Variants in FBLN2 observed in about 807,000 individuals in gnomAD.
The protein encoded by FBLN2 is fibulin-2.
FBLN2 carries 81 observed loss-of-function variants against 123.7 expected under a neutral mutation model. The observed-to-expected ratio is 0.65, with a 90% CI of 0.55 to 0.79. The LOEUF (loss-of-function observed/expected upper bound fraction) is 0.79. Ranked by LOEUF, FBLN2 falls within the 30% of genes least tolerant of loss-of-function variation. The pLI, the probability that FBLN2 is intolerant of heterozygous loss-of-function variation, is 0.00. For missense variants in FBLN2, 1,603 were observed against 1,681.3 expected (o/e 0.95, Z 0.81); for synonymous variants, 699 against 701.4 (o/e 1.00, Z 0.05).
intron 2 of FBLN2, among the ~76,000 whole-genome samples, chr3:13,606,545 AC>A (rs1705209888): frequency 6.6e-6 from 1 of 152,246 alleles, no homozygotes; most frequent in Admixed American, 6.5e-5. Context: ...TCCACATGTA[AC>A]TTTTGACTCC....
At position 13,591,676 on chromosome 3, in the gene FBLN2, T is replaced by C. The variant is rs574508660; in HGVS notation, c.1307-16386T>C. On this transcript the variant is annotated intron_variant, in intron 2 of 17. Transcript: ENST00000404922. ...GATTACTGTAGCCTTGTAGTAATTT[T>C]TAGTATCTGCTAGTGAGAGTTTTCC... Among the ~76,000 whole-genome samples, 3 of 152,362 alleles carry C rather than the reference T, an allele frequency of 2.0e-5. No homozygotes were observed. The South Asian group carries it at 6.2e-4, about 32-fold the overall frequency.
At chr3:13,558,714 CACCCACCT>C (rs1703527248) in intron 1 of FBLN2, among the ~76,000 whole-genome samples, 1 of 143,248 alleles carries the variant, frequency 7.0e-6, no homozygotes, top group African/African-American at 2.6e-5. Context: ...CCCACCCATC[CACCCACCT>C]ACCTACTTTT....
chr3:13,570,087 A>C (rs1391920324), intron 1 of FBLN2, among the ~76,000 whole-genome samples: 1 of 152,124 alleles, frequency 6.6e-6, no homozygotes, highest in Non-Finnish European at 1.5e-5. Flanking sequence ...CAGCGACTCC[A>C]GGTCAACACC....
intron 5 of FBLN2, among the ~76,000 whole-genome samples, chr3:13,617,427 T>TATCCATCCACCC (rs1705659067): frequency 1.4e-5 from 2 of 144,020 alleles, no homozygotes; most frequent in Non-Finnish European, 3.0e-5. Flanking sequence ...TCCATTCATC[T>TATCCATCCACCC]ACCCATCCAT....
intron 9 of FBLN2, among the ~76,000 whole-genome samples, chr3:13,622,387 G>A (rs940371847): frequency 6.6e-6 from 1 of 152,206 alleles, no homozygotes; most frequent in Non-Finnish European, 1.5e-5. Context: ...ACATGTATGT[G>A]GGGTAGCACA....
At chr3:13,586,664 A>AT (rs539204519) in intron 2 of FBLN2, among the ~76,000 whole-genome samples, 24,919 of 124,688 alleles carry the variant, frequency 0.2, 3,419 homozygotes, top group East Asian at 0.41. Context: ...TGCCCAGCTA[A>AT]TTTTTTTTTT....
At chr3:13,549,250 G>T (rs1703258690) in intron 1 of FBLN2, 42 bp downstream of exon 1, 5 of 978,892 alleles carry the variant, frequency 5.1e-6, no homozygotes, top group Non-Finnish European at 6.1e-6. Context: ...CATCCCCGTC[G>T]GTCCGCGCCT....
intron 1 of FBLN2, among the ~76,000 whole-genome samples, chr3:13,569,331 C>G (rs1183124124): frequency 6.6e-6 from 1 of 152,094 alleles, no homozygotes; most frequent in Admixed American, 6.6e-5. Flanking sequence ...CCATGGGAAA[C>G]TGGGGCGGGC....
chr3:13,552,873 T>C (rs1423734931), intron 1 of FBLN2, among the ~76,000 whole-genome samples: 6 of 152,192 alleles, frequency 3.9e-5, no homozygotes, highest in Non-Finnish European at 8.8e-5. Context: ...GCCAATGCTG[T>C]GCCAGGGGCT....
rs531878436 is a variant in FBLN2 at position 13,632,041 on chromosome 3, G to A, written c.3214+584G>A. On this transcript the variant is annotated intron_variant, in intron 16 of 17. Transcript: ENST00000404922. ...TACAAGAGCTGGGCAGTCACCTGTG[G>A]AATTTGCAAGAGAGGGGACTGTGTC... Among the ~76,000 whole-genome samples, 200 of 152,214 alleles carry A rather than the reference G, an allele frequency of 1.3e-3. 2 individuals carry two copies. Among genetic ancestry groups the A allele is most frequent in the Non-Finnish European group, 2.4e-3 (164 of 68,036 alleles).
intron 16 of FBLN2, among the ~76,000 whole-genome samples, chr3:13,633,219 C>T (rs1030479771): frequency 6.6e-5 from 10 of 152,260 alleles, no homozygotes; most frequent in African/African-American, 1.7e-4. Context: ...CGTGGGTGCA[C>T]CTGACCCTAG....
rs142100491 is a variant in FBLN2 at position 13,601,473 on chromosome 3, G to A, written c.1307-6589G>A. ...CACAGAGACTGAAGTCAGGACTCTG[G>A]CATCCTGGGAGGTGGAGGCAGGACT... On this transcript the variant is annotated intron_variant, in intron 2 of 17. Coordinates refer to ENST00000404922, the MANE Select transcript of FBLN2 (RefSeq NM_001004019.2). 6.4e-3 allele frequency among the ~76,000 whole-genome samples: 974 copies of A among 152,332 alleles called. 13 individuals are homozygous for A. The highest frequency in any genetic ancestry group is 0.022 in the African/African-American group (932 of 41,586).
At chr3:13,587,144 CAA>C (rs57120285) in intron 2 of FBLN2, among the ~76,000 whole-genome samples, 2 of 70,968 alleles carry the variant, frequency 2.8e-5, no homozygotes, top group Non-Finnish European at 6.5e-5. Flanking sequence ...GACTCCGTCT[CAA>C]AAAAAAAAAA....
chr3:13,608,261 C>G lies in FBLN2; in HGVS notation c.1418+88C>G. The G allele has an allele frequency of 5.4e-6, 5 of 925,692 alleles. No homozygotes were observed. In the South Asian group the frequency reaches 7.6e-5, roughly 14 times the overall value. The allele number at this position is 925,692 out of a possible 1,614,324, so 57.3% of individuals were successfully genotyped here. A position where few individuals can be genotyped will look rare whatever the true frequency, so the allele number is the denominator to read the frequency against. On this transcript the variant is annotated intron_variant, in intron 3 of 17. Transcript: ENST00000404922. Reference sequence around the variant, plus strand: ...CTAGGACCCCAGGCTCCAGGCAGCCCGGAGAGAGTGCACCTTCACATGCCT... The same window carrying G: ...CTAGGACCCCAGGCTCCAGGCAGCCGGGAGAGAGTGCACCTTCACATGCCT...
At position 13,549,168 on chromosome 3, in the gene FBLN2, C is replaced by G. The variant is rs1033394013; in HGVS notation, c.-82C>G. 3.1e-6 allele frequency: 3 copies of G among 983,072 alleles called. No homozygotes were observed. Among genetic ancestry groups the G allele is most frequent in the Admixed American group, 6.2e-5 (1 of 16,074 alleles). The allele number at this position is 983,072 out of a possible 1,614,324, so 60.9% of individuals were successfully genotyped here. A position where few individuals can be genotyped will look rare whatever the true frequency, so the allele number is the denominator to read the frequency against. ...CCCGGGCTCTCGACGCGCCGACGGCCGGGCGGACGGACGGACGGACGCCGA... is the reference window on the plus strand; with the variant it reads ...CCCGGGCTCTCGACGCGCCGACGGCGGGGCGGACGGACGGACGGACGCCGA... On this transcript the variant is annotated 5_prime_UTR_variant, in exon 1 of 18. Transcript: ENST00000404922.
rs776957161 is a variant in FBLN2 at position 13,631,471 on chromosome 3, C to T, written c.3214+14C>T. On this transcript the variant is annotated intron_variant, in intron 16 of 17. Transcript: ENST00000404922. Reference sequence around the variant, plus strand: ...GGTCCTGCAAGGGTGAGCAAGTCCCCCCACACGCCCCCGCCTCCATCAGGG... The same window carrying T: ...GGTCCTGCAAGGGTGAGCAAGTCCCTCCACACGCCCCCGCCTCCATCAGGG... 11 of 1,571,628 alleles carry T rather than the reference C, an allele frequency of 7.0e-6. No homozygotes were observed. The East Asian group carries it at 2.1e-4, about 30-fold the overall frequency.
chr3:13,609,568 G>A lies in FBLN2; in HGVS notation c.1474G>A (p.Gly492Ser), dbSNP rs761052656. 17 of 1,556,920 alleles carry A rather than the reference G, an allele frequency of 1.1e-5. No individual in the cohort carries two copies. The highest frequency in any genetic ancestry group is 1.4e-5 in the African/African-American group (1 of 73,434). ...CTTGCAGGAGAAGAGCTGCATGGCC[G>A]GCGTCCTGGGAGCCAAGGAGGGTGA... is the stretch of plus-strand genomic sequence containing the variant. ...SYLQEKSCMA[G>S]VLGAKEGETC... is the part of the protein sequence containing the mutation. Residue 492 changes from glycine (G) to serine (S), a missense_variant, in exon 4 of 18, where the codon GGC becomes AGC. Transcript: ENST00000404922.
chr3:13,565,628 G>A (rs187177533), intron 1 of FBLN2, among the ~76,000 whole-genome samples: 63 of 152,350 alleles, frequency 4.1e-4, no homozygotes, highest in African/African-American at 1.4e-3. Context: ...TATATGTTAC[G>A]CACATGATAC....
Position 13,575,698 on chromosome 3 carries a change from CA to C in FBLN2, c.1306+4038del, listed in dbSNP as rs1458421636. ...GGCATCAAGAGGCAGGACTGGGGGCCAGGGGTGGGGCTGCTTCTATTTCAGA... is the reference window on the plus strand; with the variant it reads ...GGCATCAAGAGGCAGGACTGGGGGCCGGGGTGGGGCTGCTTCTATTTCAGA... On this transcript the variant is annotated intron_variant, in intron 2 of 17. Transcript: ENST00000404922. 2.0e-5 allele frequency among the ~76,000 whole-genome samples: 3 copies of C among 152,256 alleles called. No homozygotes were observed. The South Asian group carries it at 6.2e-4, about 32-fold the overall frequency.
Sources: gnomAD v4.1 joint callset for allele counts (sites outside exome capture counted in the v4.1 genomes callset) on GRCh38, gnomAD v4.1.1 for gene constraint, MANE v1.5 for transcripts, NCBI Gene and HGNC (gene_info 2026-07-23, HGNC 2026-07-21) for gene names.